RAB22A: variants seen among roughly 807,000 people sequenced by gnomAD.
RAB22A encodes ras-related protein Rab-22A.
In RAB22A, 13 loss-of-function variants were observed where a neutral mutation model predicts 30.2. The ratio of observed to expected loss-of-function variants is 0.43; its 90% CI spans 0.28 to 0.68. The LOEUF (loss-of-function observed/expected upper bound fraction) is 0.68, where lower values mean the gene tolerates loss of function less well. Among genes scored for constraint, RAB22A ranks in the 30% least tolerant of loss-of-function variants. The pLI, the probability that RAB22A is intolerant of heterozygous loss-of-function variation, is 0.18. For missense variants in RAB22A, 177 were observed against 246.8 expected (o/e 0.72, Z 1.89); for synonymous variants, 89 against 87.2 (o/e 1.02, Z -0.11).
At chr20:58,351,124 G>C (rs1987041301) in intron 3 of RAB22A, among the ~76,000 whole-genome samples, 1 of 152,020 alleles carries the variant, frequency 6.6e-6, no homozygotes, top group Non-Finnish European at 1.5e-5. Context: ...TAGATTTGAG[G>C]CCAGGAGTTC....
At chr20:58,323,383 T>G (rs891643247) in intron 2 of RAB22A, among the ~76,000 whole-genome samples, 3 of 152,178 alleles carry the variant, frequency 2.0e-5, no homozygotes, top group African/African-American at 7.2e-5. Context: ...CATTATTTTT[T>G]TGTGTTCTCT....
At chr20:58,334,031 A>T (rs557098953) in intron 2 of RAB22A, among the ~76,000 whole-genome samples, 97 of 151,870 alleles carry the variant, frequency 6.4e-4, no homozygotes, top group African/African-American at 2.3e-3. Flanking sequence ...ACACTTCTTT[A>T]AAAAAAAATT....
chr20:58,334,303 G>T (rs1390479463), intron 2 of RAB22A, among the ~76,000 whole-genome samples: 1 of 151,080 alleles, frequency 6.6e-6, no homozygotes, highest in East Asian at 1.9e-4. Flanking sequence ...CCACTGTACT[G>T]CAGCCTGGGC....
chr20:58,349,865 G>A (rs1987016666), intron 3 of RAB22A, among the ~76,000 whole-genome samples: 1 of 152,196 alleles, frequency 6.6e-6, no homozygotes, highest in Non-Finnish European at 1.5e-5. Context: ...GAAGAAACAG[G>A]AAGGTGTGAC....
In RAB22A at chr20:58,366,837, A is replaced by G. The variant is rs1227418507; in HGVS notation, c.*7134A>G. The G allele has an allele frequency of 6.6e-6, 1 of 152,504 alleles. No individual in the cohort carries two copies. The highest frequency in any genetic ancestry group is 1.5e-5 in the Non-Finnish European group (1 of 68,040). The allele number at this position is 152,504 out of a possible 1,614,324, so 9.4% of individuals were successfully genotyped here. A position where few individuals can be genotyped will look rare whatever the true frequency, so the allele number is the denominator to read the frequency against. ...TGGTCAGAACTTCGCTGAATTTGTAATAAAGCATTTGTTAAGCGTGTAAAA... is the reference window on the plus strand; with the variant it reads ...TGGTCAGAACTTCGCTGAATTTGTAGTAAAGCATTTGTTAAGCGTGTAAAA... On this transcript the variant is annotated 3_prime_UTR_variant, in exon 7 of 7. Transcript: ENST00000244040.
intron 2 of RAB22A, among the ~76,000 whole-genome samples, chr20:58,316,579 T>C (rs536466743): frequency 5.9e-5 from 9 of 152,224 alleles, no homozygotes; most frequent in Non-Finnish European, 1.0e-4. Context: ...TAGTGAGCCA[T>C]TGTGTAGTGA....
At chr20:58,351,850 A>G (rs1393986824) in intron 3 of RAB22A, among the ~76,000 whole-genome samples, 1 of 152,246 alleles carries the variant, frequency 6.6e-6, no homozygotes, top group Non-Finnish European at 1.5e-5. Flanking sequence ...TAGTAAATAC[A>G]TTAAATATAA....
intron 2 of RAB22A, among the ~76,000 whole-genome samples, chr20:58,312,520 G>A (rs186957215): frequency 5.2e-5 from 5 of 95,928 alleles, no homozygotes; most frequent in East Asian, 3.5e-4. Flanking sequence ...GTGGAGTCTC[G>A]CTCTGTTGCC....
At chr20:58,343,867 A>G (rs949495388) in intron 3 of RAB22A, 68 bp downstream of exon 3, 4 of 1,215,086 alleles carry the variant, frequency 3.3e-6, no homozygotes, top group Non-Finnish European at 4.8e-6. Context: ...AACTGTCAGC[A>G]TCCCTGTCAT....
intron 2 of RAB22A, among the ~76,000 whole-genome samples, chr20:58,316,513 C>T (rs1986342845): frequency 6.6e-6 from 1 of 151,414 alleles, no homozygotes; most frequent in Non-Finnish European, 1.5e-5. Context: ...GAACCCCCTT[C>T]CTCTACACTA....
At chr20:58,313,198 C>T (rs777695611) in intron 2 of RAB22A, among the ~76,000 whole-genome samples, 1 of 152,204 alleles carries the variant, frequency 6.6e-6, no homozygotes, top group African/African-American at 2.4e-5. Flanking sequence ...TTGCCAGTAG[C>T]TCCCAATCTG....
chr20:58,356,499 G>A (rs1336631231), intron 6 of RAB22A, among the ~76,000 whole-genome samples: 2 of 152,204 alleles, frequency 1.3e-5, no homozygotes, highest in African/African-American at 2.4e-5. Context: ...TGAGCACAGT[G>A]CCTGGCACAC....
intron 2 of RAB22A, among the ~76,000 whole-genome samples, chr20:58,327,494 C>T (rs759201680): frequency 2.6e-5 from 4 of 152,196 alleles, no homozygotes; most frequent in Non-Finnish European, 5.9e-5. Flanking sequence ...CTCCATAGGG[C>T]TGCTTGAGTG....
intron 2 of RAB22A, among the ~76,000 whole-genome samples, chr20:58,331,690 A>G (rs1037344130): frequency 3.3e-5 from 5 of 152,018 alleles, no homozygotes; most frequent in Non-Finnish European, 5.9e-5. Context: ...TTCCTGGGAT[A>G]CGGTTCTGGT....
At chr20:58,349,411 C>T (rs533195773) in intron 3 of RAB22A, among the ~76,000 whole-genome samples, 74 of 152,250 alleles carry the variant, frequency 4.9e-4, no homozygotes, top group African/African-American at 1.7e-3. Context: ...GGAGGCAAAT[C>T]GCAGAAAAGG....
At chr20:58,315,956 GCCTCATC>G (rs1220490954) in intron 2 of RAB22A, among the ~76,000 whole-genome samples, 1 of 152,102 alleles carries the variant, frequency 6.6e-6, no homozygotes, top group Non-Finnish European at 1.5e-5. Context: ...CCCGGGCCCA[GCCTCATC>G]TCTCCTGTGC....
Position 58,318,712 on chromosome 20 carries a change from C to T in RAB22A, c.116+7590C>T, listed in dbSNP as rs79577783. Among the ~76,000 whole-genome samples the T allele has an allele frequency of 1.5e-4, 23 of 152,208 alleles. No homozygotes were observed. The East Asian group carries it at 4.1e-3, about 27-fold the overall frequency. ...TTTGGAAGATGGGAATTTTGCCATC[C>T]TCCTCCTCCCACCTCCTTGTGCACA... On this transcript the variant is annotated intron_variant, in intron 2 of 6. Coordinates refer to ENST00000244040, the MANE Select transcript of RAB22A (RefSeq NM_020673.3).
At chr20:58,325,671 T>C (rs1251000647) in intron 2 of RAB22A, among the ~76,000 whole-genome samples, 1 of 152,272 alleles carries the variant, frequency 6.6e-6, no homozygotes, top group African/African-American at 2.4e-5. Flanking sequence ...TTGTTAATGA[T>C]TATTGACATA....
rs1740229189 is a variant in RAB22A, at chr20:58,364,057, A to G, written c.*4354A>G. Reference sequence around the variant, plus strand: ...AGAAACTTTAATGGAATTCTGGGGCATTTGTCCTGTTTTATGTGCAAATGA... The same window carrying G: ...AGAAACTTTAATGGAATTCTGGGGCGTTTGTCCTGTTTTATGTGCAAATGA... On this transcript the variant is annotated 3_prime_UTR_variant, in exon 7 of 7. Transcript: ENST00000244040. The G allele has an allele frequency of 6.6e-6, 1 of 152,620 alleles. No homozygotes were observed. Among genetic ancestry groups the G allele is most frequent in the African/African-American group, 2.4e-5 (1 of 41,448 alleles). 9.5% of individuals were successfully genotyped at this position (152,620 alleles called of 1,614,324 possible).
Sources: allele counts gnomAD v4.1 joint callset (sites outside exome capture counted in the v4.1 genomes callset), GRCh38; gene constraint gnomAD v4.1.1; transcripts MANE v1.5; gene names NCBI Gene and HGNC (gene_info 2026-07-23, HGNC 2026-07-21).